CHMP4B: variants seen among roughly 807,000 people sequenced by gnomAD.
CHMP4B encodes the protein charged multivesicular body protein 4B, also known as SNF7 homolog associated with Alix 1.
CHMP4B carries 1 observed loss-of-function variant against 25.1 expected under a neutral mutation model. That is an observed-to-expected ratio of 0.04 (90% confidence interval 0.01 to 0.19). The LOEUF is 0.19. Ranked by LOEUF, CHMP4B falls within the 10% of genes least tolerant of loss-of-function variation. CHMP4B has a pLI of 1.00. For synonymous variants in CHMP4B, 101 were observed against 115.6 expected, an observed-to-expected ratio of 0.87 and a Z score of 0.81; for missense variants, 151 against 289.7, an observed-to-expected ratio of 0.52 and a Z score of 3.48.
chr20:33,850,615 C>T (rs1412254095), intron 2 of CHMP4B, among the ~76,000 whole-genome samples: 2 of 152,140 alleles, frequency 1.3e-5, no homozygotes, highest in Non-Finnish European at 2.9e-5. Context: ...ACAGAGTTAC[C>T]CTTGGACTTG....
chr20:33,830,933 G>GTTTTTTTTTTTTTTTTTTTTTTTTTTTTT (rs55917511), intron 1 of CHMP4B, among the ~76,000 whole-genome samples: 14 of 102,570 alleles, frequency 1.4e-4, no homozygotes, highest in Admixed American at 2.3e-4. Flanking sequence ...AAGGAACAGA[G>GTTTTTTTTTTTTTTTTTTTTTTTTTTTTT]TTTTTTTTTT....
At chr20:33,833,675 T>G (rs1979426285) in intron 1 of CHMP4B, among the ~76,000 whole-genome samples, 1 of 152,220 alleles carries the variant, frequency 6.6e-6, no homozygotes, top group African/African-American at 2.4e-5. Flanking sequence ...CTTTTATCTT[T>G]CCTTGTTCCC....
At chr20:33,817,210 G>T (rs185071951) in intron 1 of CHMP4B, among the ~76,000 whole-genome samples, 138 of 152,248 alleles carry the variant, frequency 9.1e-4, no homozygotes, top group African/African-American at 3.1e-3. Flanking sequence ...CCTCAGTGAC[G>T]CTTAAGTTTC....
rs1453996731 is a variant in CHMP4B, at chr20:33,854,141, G to A, written c.*581G>A. The A allele has an allele frequency of 6.4e-6, 1 of 157,086 alleles. No individual in the cohort carries two copies. The highest frequency in any genetic ancestry group is 1.9e-4 in the East Asian group (1 of 5,344). 9.7% of individuals were successfully genotyped at this position (157,086 alleles called of 1,614,324 possible). A position where few individuals can be genotyped will look rare whatever the true frequency, so the allele number is the denominator to read the frequency against. On this transcript the variant is annotated 3_prime_UTR_variant, in exon 5 of 5. Coordinates refer to ENST00000217402, the MANE Select transcript of CHMP4B (RefSeq NM_176812.5). ...CCACTCCTCACCCCCTTGCTCCCCT[G>A]GTCTTCTGGAGTTTGTGACATTGAT... is the stretch of plus-strand genomic sequence containing the variant.
chr20:33,833,081 G>A (rs1342287889), intron 1 of CHMP4B, among the ~76,000 whole-genome samples: 1 of 151,948 alleles, frequency 6.6e-6, no homozygotes, highest in Non-Finnish European at 1.5e-5. Flanking sequence ...GAGCCACCAC[G>A]GCCAGCCAGA....
At chr20:33,836,763 G>T (rs1239090759) in intron 1 of CHMP4B, among the ~76,000 whole-genome samples, 1 of 152,108 alleles carries the variant, frequency 6.6e-6, no homozygotes, top group East Asian at 1.9e-4. Context: ...GCTCTGCCTG[G>T]GTTTTCCTTG....
intron 1 of CHMP4B, among the ~76,000 whole-genome samples, chr20:33,842,268 G>GA (rs1326764799): frequency 6.6e-6 from 1 of 152,124 alleles, no homozygotes; most frequent in African/African-American, 2.4e-5. Context: ...GGTCACCCGA[G>GA]ATCAGACAAG....
intron 1 of CHMP4B, among the ~76,000 whole-genome samples, chr20:33,835,565 A>C (rs898505404): frequency 3.9e-5 from 6 of 152,146 alleles, no homozygotes; most frequent in Admixed American, 1.3e-4. Context: ...TTGCTATTCA[A>C]GTTTACAAAT....
intron 1 of CHMP4B, among the ~76,000 whole-genome samples, chr20:33,813,389 T>G (rs1205495315): frequency 6.6e-6 from 1 of 152,134 alleles, no homozygotes; most frequent in Admixed American, 6.5e-5. Context: ...GAACGTGTCC[T>G]TATTGACAGA....
At chr20:33,848,411 C>CT in intron 1 of CHMP4B, 56 bp from the exon 2 acceptor site, 2 of 1,585,054 alleles carry the variant, frequency 1.3e-6, no homozygotes, top group Non-Finnish European at 1.7e-6. Flanking sequence ...CTCAGTGACA[C>CT]TAGAACCTCA....
chr20:33,823,779 A>G (rs562946706), intron 1 of CHMP4B, among the ~76,000 whole-genome samples: 3 of 152,320 alleles, frequency 2.0e-5, no homozygotes, highest in Admixed American at 6.5e-5. Flanking sequence ...TCCTGACCTC[A>G]GGTGATTCAC....
intron 1 of CHMP4B, among the ~76,000 whole-genome samples, chr20:33,832,874 T>C (rs545390398): frequency 9.1e-4 from 138 of 151,508 alleles, no homozygotes; most frequent in African/African-American, 3.2e-3. Context: ...AAACTCCTGG[T>C]CTCAAGCAAT....
chr20:33,839,630 T>C (rs1979480572), intron 1 of CHMP4B, among the ~76,000 whole-genome samples: 1 of 152,212 alleles, frequency 6.6e-6, no homozygotes, highest in Non-Finnish European at 1.5e-5. Flanking sequence ...GCCCGCTGAA[T>C]GCCCTTGGTG....
Position 33,811,767 on chromosome 20 carries a change from T to C in CHMP4B, c.190+109T>C. 3.5e-6 allele frequency: 4 copies of C among 1,158,624 alleles called. No individual in the cohort carries two copies. In the South Asian group the frequency reaches 5.3e-5, roughly 15 times the overall value. 71.8% of individuals were successfully genotyped at this position (1,158,624 alleles called of 1,614,324 possible). The stretch of plus-strand genomic sequence containing the variant: ...TCGGGGTCTGGTCTGACCCTGGAAC[T>C]CTCCGGGTCAGACTTCTTGCCGGGT... On this transcript the variant is annotated intron_variant, in intron 1 of 4. Coordinates refer to ENST00000217402, the MANE Select transcript of CHMP4B (RefSeq NM_176812.5).
At chr20:33,825,576 A>G (rs1979073404) in intron 1 of CHMP4B, among the ~76,000 whole-genome samples, 1 of 152,244 alleles carries the variant, frequency 6.6e-6, no homozygotes, top group South Asian at 2.1e-4. Context: ...CACTCTGGAA[A>G]TAAAAAGCCA....
At chr20:33,814,897 C>T (rs929535501) in intron 1 of CHMP4B, among the ~76,000 whole-genome samples, 5 of 152,210 alleles carry the variant, frequency 3.3e-5, no homozygotes, top group Admixed American at 3.3e-4. Flanking sequence ...GCGATTCTCC[C>T]GTATTAGCCT....
At chr20:33,849,140 G>A (rs1277528893) in intron 2 of CHMP4B, among the ~76,000 whole-genome samples, 14 of 152,130 alleles carry the variant, frequency 9.2e-5, no homozygotes, top group Non-Finnish European at 1.6e-4. Flanking sequence ...CTTGCTCTCC[G>A]GCTGTAGCTG....
At chr20:33,848,392 G>T in intron 1 of CHMP4B, 75 bp from the exon 2 acceptor site, 1 of 1,471,962 alleles carries the variant, frequency 6.8e-7, no homozygotes, top group Non-Finnish European at 9.4e-7. Context: ...AGTAGAGTTG[G>T]GGAAAAGACT....
chr20:33,824,753 G>C (rs1296660159), intron 1 of CHMP4B, among the ~76,000 whole-genome samples: 1 of 151,140 alleles, frequency 6.6e-6, no homozygotes, highest in Non-Finnish European at 1.5e-5. Flanking sequence ...AGAAGCTTTG[G>C]CCTCTACCTT....
Sources: allele counts gnomAD v4.1 joint callset (sites outside exome capture counted in the v4.1 genomes callset), GRCh38; gene constraint gnomAD v4.1.1; transcripts MANE v1.5; gene names NCBI Gene and HGNC (gene_info 2026-07-23, HGNC 2026-07-21).